The following TMEM45A variants were observed in gnomAD, a reference collection of about 807,000 sequenced individuals.
TMEM45A encodes the protein transmembrane protein 45A.
A neutral mutation model predicts 32.0 loss-of-function variants in TMEM45A; 25 were observed. The ratio of observed to expected loss-of-function variants is 0.78; its 90% confidence interval spans 0.57 to 1.09. The LOEUF is 1.09. TMEM45A is among the 50% of genes least tolerant of loss of function. TMEM45A has a pLI of 0.00. For synonymous variants in TMEM45A, 122 were observed against 114.8 expected, an observed-to-expected ratio of 1.06 and a Z score of -0.40; for missense variants, 302 against 325.0, an observed-to-expected ratio of 0.93 and a Z score of 0.54.
At chr3:100,516,183 A>G (rs1708259160) in intron 1 of TMEM45A, among the ~76,000 whole-genome samples, 1 of 152,228 alleles carries the variant, frequency 6.6e-6, no homozygotes, top group Non-Finnish European at 1.5e-5. Flanking sequence ...CTCTGCTTTT[A>G]TCTAATGAGC....
At chr3:100,519,455 A>G in intron 1 of TMEM45A, 2 of 998,430 alleles carry the variant, frequency 2.0e-6, no homozygotes, top group African/African-American at 1.6e-5. Flanking sequence ...TGATTTTTTT[A>G]TTCCAGAAAC....
rs1164752994 is a variant in TMEM45A at position 100,568,895 on chromosome 3, T to C, written c.662T>C (p.Leu221Pro). The C allele has an allele frequency of 6.2e-7, 1 of 1,613,918 alleles. No individual in the cohort carries two copies. ...DLMDHENILFLTICFCWHYAV... is the reference protein window; with the variant it reads ...DLMDHENILFPTICFCWHYAV... ...ATGGATCATGAAAATATTTTGTTTC[T>C]CACCATATGCTTTTGTTGGCATTAT... The change falls in exon 5 of 6, where the codon CTC becomes CCC. Residue 221 changes from leucine (L) to proline (P), a missense_variant. By Grantham distance (98) the Leu-to-Pro change is moderately conservative. Coordinates refer to ENST00000323523, the MANE Select transcript of TMEM45A (RefSeq NM_018004.3).
intron 1 of TMEM45A, among the ~76,000 whole-genome samples, chr3:100,506,904 C>T (rs1708087373): frequency 6.6e-6 from 1 of 152,130 alleles, no homozygotes; most frequent in South Asian, 2.1e-4. Flanking sequence ...AGTTCTAGAA[C>T]CAGAAGCCCT....
chr3:100,496,396 G>A (rs1428804425), intron 1 of TMEM45A, among the ~76,000 whole-genome samples: 1 of 152,172 alleles, frequency 6.6e-6, no homozygotes, highest in African/African-American at 2.4e-5. Context: ...AAGGGCAAAG[G>A]CAGTTTAAGA....
chr3:100,560,670 G>C (rs1706314640), intron 4 of TMEM45A, among the ~76,000 whole-genome samples: 1 of 152,046 alleles, frequency 6.6e-6, no homozygotes, highest in Non-Finnish European at 1.5e-5. Context: ...TCCTCTGTTT[G>C]GTTTAGGAGT....
At chr3:100,554,673 A>G (rs141687988) in intron 1 of TMEM45A, among the ~76,000 whole-genome samples, 1 of 152,368 alleles carries the variant, frequency 6.6e-6, no homozygotes, top group East Asian at 1.9e-4. Flanking sequence ...AACCTAAAAG[A>G]ATGTGTAGGC....
intron 5 of TMEM45A, chr3:100,572,315 C>T: frequency 6.6e-6 from 1 of 151,948 alleles, no homozygotes; most frequent in Non-Finnish European, 1.5e-5. Flanking sequence ...GATGGTATCT[C>T]ATTGTGGTTT....
chr3:100,498,591 G>T (rs1361521423), intron 1 of TMEM45A, among the ~76,000 whole-genome samples: 1 of 151,952 alleles, frequency 6.6e-6, no homozygotes, highest in Admixed American at 6.6e-5. Context: ...GTGTTTGTGT[G>T]TGTGTCCCCT....
intron 1 of TMEM45A, among the ~76,000 whole-genome samples, chr3:100,514,709 A>G (rs1237545657): frequency 6.6e-6 from 1 of 152,122 alleles, no homozygotes; most frequent in African/African-American, 2.4e-5. Context: ...ATGGGAGAAA[A>G]TGTTCGCAAC....
At chr3:100,517,157 C>T (rs1708276742) in intron 1 of TMEM45A, among the ~76,000 whole-genome samples, 2 of 151,956 alleles carry the variant, frequency 1.3e-5, no homozygotes, top group East Asian at 1.9e-4. Context: ...CTCTCTGTCA[C>T]CCAGGCTGGA....
intron 1 of TMEM45A, among the ~76,000 whole-genome samples, chr3:100,523,263 T>G (rs1350221201): frequency 1.3e-5 from 2 of 152,230 alleles, no homozygotes; most frequent in African/African-American, 4.8e-5. Flanking sequence ...CTGGTCTGGG[T>G]GGAATTCAGC....
chr3:100,555,080 C>T lies in TMEM45A; in HGVS notation c.-3-129C>T, dbSNP rs1307553486. On this transcript the variant is annotated intron_variant, in intron 1 of 5. Transcript: ENST00000323523. Reference sequence around the variant, plus strand: ...CTAGTATGCACAGTAATGTAGGATCCTCAGAATCATCCTCAGTGATGTATC... The same window carrying T: ...CTAGTATGCACAGTAATGTAGGATCTTCAGAATCATCCTCAGTGATGTATC... 8.7e-6 allele frequency: 7 copies of T among 801,232 alleles called. No individual in the cohort carries two copies. In the South Asian group the frequency reaches 1.0e-4, roughly 12 times the overall value. 49.6% of individuals were successfully genotyped at this position (801,232 alleles called of 1,614,324 possible).
chr3:100,500,815 A>G (rs1707999519), intron 1 of TMEM45A, among the ~76,000 whole-genome samples: 1 of 152,262 alleles, frequency 6.6e-6, no homozygotes, highest in African/African-American at 2.4e-5. Flanking sequence ...ATGACCAGCA[A>G]GGTGGTGCTT....
At chr3:100,546,288 A>G (rs1705978702) in intron 1 of TMEM45A, among the ~76,000 whole-genome samples, 2 of 152,232 alleles carry the variant, frequency 1.3e-5, no homozygotes, top group Admixed American at 1.3e-4. Context: ...TGAATATCTG[A>G]CCCATAGAAC....
intron 5 of TMEM45A, 87 bp downstream of exon 5, chr3:100,569,054 G>A: frequency 7.2e-7 from 1 of 1,397,078 alleles, no homozygotes; most frequent in Non-Finnish European, 9.9e-7. Flanking sequence ...AAATTCAAAA[G>A]GGTATTTCAT....
intron 1 of TMEM45A, among the ~76,000 whole-genome samples, chr3:100,500,176 C>A (rs1241612783): frequency 6.6e-6 from 1 of 152,118 alleles, no homozygotes; most frequent in Non-Finnish European, 1.5e-5. Flanking sequence ...AGTCCATTCA[C>A]AGGTATAGAT....
At chr3:100,504,249 T>TAA (rs34630359) in intron 1 of TMEM45A, among the ~76,000 whole-genome samples, 1 of 141,154 alleles carries the variant, frequency 7.1e-6, no homozygotes. Context: ...TATATTTTTA[T>TAA]AAAAAAAAAA....
chr3:100,519,369 TTG>T (rs921350088), intron 1 of TMEM45A: 4,944 of 464,116 alleles, frequency 0.011, no homozygotes, highest in South Asian at 0.017. Context: ...TGCATACAGG[TTG>T]TGTGTGTGTG....
intron 1 of TMEM45A, among the ~76,000 whole-genome samples, chr3:100,509,770 A>G (rs889722423): frequency 1.3e-5 from 2 of 152,172 alleles, no homozygotes; most frequent in African/African-American, 2.4e-5. Context: ...CGCACCGTGC[A>G]TGAGCTGAAG....
Sources: gnomAD v4.1 joint callset for allele counts (sites outside exome capture counted in the v4.1 genomes callset) on GRCh38, gnomAD v4.1.1 for gene constraint, MANE v1.5 for transcripts, NCBI Gene and HGNC (gene_info 2026-07-23, HGNC 2026-07-21) for gene names.